FMNL3: variants seen among roughly 807,000 people sequenced by gnomAD.
The protein encoded by FMNL3 is formin-like protein 3.
A neutral mutation model predicts 119.6 loss-of-function variants in FMNL3; 57 were observed. That is an observed-to-expected ratio of 0.48 (90% CI 0.39 to 0.59). FMNL3 has a LOEUF of 0.59. Among genes scored for constraint, FMNL3 ranks in the 20% least tolerant of loss-of-function variants. The pLI, the probability that FMNL3 is intolerant of heterozygous loss-of-function variation, is 0.00. For missense variants in FMNL3, 1,053 were observed against 1,323.5 expected (o/e 0.80, Z 3.17); for synonymous variants, 491 against 507.3 (o/e 0.97, Z 0.43).
At chr12:49,674,867 A>T (rs1302242007) in intron 1 of FMNL3, among the ~76,000 whole-genome samples, 1 of 152,210 alleles carries the variant, frequency 6.6e-6, no homozygotes, top group Non-Finnish European at 1.5e-5. Context: ...AAAGAAATGG[A>T]TTCACCAGAT....
intron 1 of FMNL3, among the ~76,000 whole-genome samples, 200 bp downstream of exon 1, chr12:49,706,855 T>A (rs1592708143): frequency 6.6e-6 from 1 of 151,714 alleles, no homozygotes; most frequent in African/African-American, 2.4e-5. Context: ...GGTGGAGGCG[T>A]CGGTCCCGAG....
chr12:49,681,143 T>C (rs530998599), intron 1 of FMNL3, among the ~76,000 whole-genome samples: 3 of 152,390 alleles, frequency 2.0e-5, no homozygotes, highest in Non-Finnish European at 4.4e-5. Context: ...ACAGTACAGA[T>C]GCAAGGAAAC....
At chr12:49,699,855 CT>C (rs766292518) in intron 1 of FMNL3, among the ~76,000 whole-genome samples, 56 of 152,288 alleles carry the variant, frequency 3.7e-4, no homozygotes, top group Admixed American at 9.2e-4. Flanking sequence ...CTGGCAAAGG[CT>C]TTAAAAACAT....
rs763035791 is a variant in FMNL3 at position 49,658,603 on chromosome 12, T to C, written c.453-9A>G. Reference sequence around the variant, plus strand: ...GACCCTCAAAGTCAAACCTGGAGCATGAAAGGACACACATGCGCATACACA... The same window carrying C: ...GACCCTCAAAGTCAAACCTGGAGCACGAAAGGACACACATGCGCATACACA... On this transcript the variant is annotated splice_polypyrimidine_tract_variant and intron_variant, in intron 5 of 25. Coordinates refer to ENST00000335154, the MANE Select transcript of FMNL3 (RefSeq NM_175736.5). 1.2e-6 allele frequency: 2 copies of C among 1,600,094 alleles called. No individual in the cohort carries two copies. The highest frequency in any genetic ancestry group is 1.7e-5 in the Admixed American group (1 of 58,324).
intron 9 of FMNL3, among the ~76,000 whole-genome samples, chr12:49,655,400 C>G (rs1457452278): frequency 6.6e-6 from 1 of 152,128 alleles, no homozygotes; most frequent in Non-Finnish European, 1.5e-5. Context: ...CCACTGCACT[C>G]CAGCCTGGCC....
intron 1 of FMNL3, among the ~76,000 whole-genome samples, chr12:49,700,530 C>T (rs1482622419): frequency 2.0e-5 from 3 of 148,816 alleles, no homozygotes; most frequent in Admixed American, 6.7e-5. Flanking sequence ...GCCTGGCCAA[C>T]GTGGCAAAAA....
At position 49,653,889 on chromosome 12, in the gene FMNL3, G is replaced by GT. The variant is rs764215781; in HGVS notation, c.1072-16_1072-15insA. On this transcript the variant is annotated splice_polypyrimidine_tract_variant and intron_variant, in intron 11 of 25. Coordinates refer to ENST00000335154, the MANE Select transcript of FMNL3 (RefSeq NM_175736.5). ...TGCCTTGACTTCTGGGGGAAGAGCAGAGAGTAGGAGTAGTTGTAGGAGCAG... is the reference window on the plus strand; with the variant it reads ...TGCCTTGACTTCTGGGGGAAGAGCAGTAGAGTAGGAGTAGTTGTAGGAGCAG... 1.4e-3 allele frequency: 2,188 copies of GT among 1,613,656 alleles called. 8 individuals carry two copies. The highest frequency in any genetic ancestry group is 5.1e-3 in the Middle Eastern group (31 of 6,062).
In FMNL3 at chr12:49,679,519, C is replaced by CTTT. The variant is rs551320921; in HGVS notation, c.127-10968_127-10966dup. 3.0e-3 allele frequency among the ~76,000 whole-genome samples: 268 copies of CTTT among 90,620 alleles called. 5 individuals are homozygous for CTTT. The highest frequency in any genetic ancestry group is 3.0e-3 in the Non-Finnish European group (145 of 48,428). The allele number at this position is 90,620 out of a possible 152,430, so 59.5% of individuals were successfully genotyped here. On this transcript the variant is annotated intron_variant, in intron 1 of 25. Transcript: ENST00000335154. ...ATCATTCTTGGAACAGCATTTGTGT[C>CTTT]TTTTTTTTTTTTTTTTTTTTTTTTT...
At chr12:49,690,222 G>A (rs1300894987) in intron 1 of FMNL3, among the ~76,000 whole-genome samples, 1 of 152,144 alleles carries the variant, frequency 6.6e-6, no homozygotes, top group African/African-American at 2.4e-5. Flanking sequence ...CTCCAACTCA[G>A]ATAGCAAGCA....
In FMNL3 at chr12:49,643,454, T is replaced by C; in HGVS notation, c.*2361A>G. 6.6e-7 allele frequency: 1 copy of C among 1,516,326 alleles called. No homozygotes were observed. 93.9% of individuals were successfully genotyped at this position (1,516,326 alleles called of 1,614,324 possible). A position where few individuals can be genotyped will look rare whatever the true frequency, so the allele number is the denominator to read the frequency against. ...GAACTGTTGTCCCAGACTGAGAGGA[T>C]GCCCTCCACAAGCCCCAGCTCCTTT... On this transcript the variant is annotated 3_prime_UTR_variant, in exon 26 of 26. Transcript: ENST00000335154.
rs1271392872 is a variant in FMNL3 at position 49,639,485 on chromosome 12, G to GAGA, written c.*6327_*6329dup. The GAGA allele has an allele frequency of 6.6e-6, 1 of 152,376 alleles. No homozygotes were observed. Among genetic ancestry groups the GAGA allele is most frequent in the Non-Finnish European group, 1.5e-5 (1 of 68,080 alleles). 9.4% of individuals were successfully genotyped at this position (152,376 alleles called of 1,614,324 possible). On this transcript the variant is annotated 3_prime_UTR_variant, in exon 26 of 26. Transcript: ENST00000335154. ...GCCGGGGGCAGTGGGGACAGCAGAA[G>GAGA]AGAGCAGGCTGTAGCGCTCCAGCTG...
chr12:49,659,813 C>T, intron 5 of FMNL3: 1 of 985,444 alleles, frequency 1.0e-6, no homozygotes, highest in Non-Finnish European at 1.2e-6. Context: ...AGGATATACC[C>T]CTCTGAGAAA....
Position 49,707,131 on chromosome 12 carries a change from A to C in FMNL3, c.50T>G (p.Val17Gly). ...AEGVPGEPPS[V>G]PLLLPPGKMP... is the part of the protein sequence containing the mutation. ...CTTGCCGGGCGGCAGCAACAACGGG[A>C]CAGAGGGGGGCTCTCCCGGGACCCC... The change falls in exon 1 of 26, where the codon GTC becomes GGC. Residue 17 changes from valine (V) to glycine (G), a missense_variant. Around this residue, in one of 4 missense-constraint regions of FMNL3, gnomAD observed 264 missense variants for 265.5 expected, o/e 0.99. Coordinates refer to ENST00000335154, the MANE Select transcript of FMNL3 (RefSeq NM_175736.5). 6.2e-7 allele frequency: 1 copy of C among 1,602,886 alleles called. No individual in the cohort carries two copies. The highest frequency in any genetic ancestry group is 8.5e-7 in the Non-Finnish European group (1 of 1,175,778).
At chr12:49,699,776 C>T (rs1169824705) in intron 1 of FMNL3, among the ~76,000 whole-genome samples, 1 of 152,010 alleles carries the variant, frequency 6.6e-6, no homozygotes, top group Non-Finnish European at 1.5e-5. Context: ...AAAAGATGGC[C>T]AAAACACTTA....
At chr12:49,658,716 T>C in intron 5 of FMNL3, 122 bp from the exon 6 acceptor site, 1 of 1,151,000 alleles carries the variant, frequency 8.7e-7, no homozygotes, top group South Asian at 1.7e-5. Context: ...GCAGCAGGGG[T>C]AGCAAGGAGA....
chr12:49,692,061 A>AT, intron 1 of FMNL3, among the ~76,000 whole-genome samples: 1 of 149,512 alleles, frequency 6.7e-6, no homozygotes, highest in Non-Finnish European at 1.5e-5. Context: ...AAAAAAAAAA[A>AT]GTTGGGTCTG....
At chr12:49,657,666 T>C (rs547334440) in intron 6 of FMNL3, among the ~76,000 whole-genome samples, 5 of 152,298 alleles carry the variant, frequency 3.3e-5, no homozygotes, top group African/African-American at 1.2e-4. Flanking sequence ...TGTCTGGCTT[T>C]GCACCACCCC....
chr12:49,668,232 C>T (rs1355013630), intron 2 of FMNL3, among the ~76,000 whole-genome samples: 1 of 152,254 alleles, frequency 6.6e-6, no homozygotes, highest in Non-Finnish European at 1.5e-5. Flanking sequence ...TCCCCTTATA[C>T]TATTGCCCAT....
intron 2 of FMNL3, among the ~76,000 whole-genome samples, 185 bp downstream of exon 2, chr12:49,668,286 T>C (rs570589285): frequency 6.6e-6 from 1 of 152,342 alleles, no homozygotes; most frequent in East Asian, 1.9e-4. Context: ...AGAGGGGAAC[T>C]TGGCCTGCCA....
Sources: allele counts gnomAD v4.1 joint callset (sites outside exome capture counted in the v4.1 genomes callset), GRCh38; gene constraint gnomAD v4.1.1; regional missense constraint gnomAD v4.1.1; transcripts MANE v1.5; gene names NCBI Gene and HGNC (gene_info 2026-07-23, HGNC 2026-07-21).